The following SPHKAP variants were observed in gnomAD, a reference collection of about 807,000 sequenced individuals.
The protein encoded by SPHKAP is SPHK1 interactor, AKAP domain containing.
A neutral mutation model predicts 137.5 loss-of-function variants in SPHKAP; 67 were observed. That is an observed-to-expected ratio of 0.49 (90% CI 0.40 to 0.60). SPHKAP has a LOEUF of 0.60. Among genes scored for constraint, SPHKAP ranks in the 20% least tolerant of loss-of-function variants. The pLI, the probability that SPHKAP is intolerant of heterozygous loss-of-function variation, is 0.00. For missense variants in SPHKAP, 2,097 were observed against 2,069.3 expected (o/e 1.01, Z -0.26); for synonymous variants, 813 against 785.3 (o/e 1.04, Z -0.59).
At chr2:228,141,972 C>A (rs1232666891) in intron 1 of SPHKAP, among the ~76,000 whole-genome samples, 1 of 152,128 alleles carries the variant, frequency 6.6e-6, no homozygotes, top group Non-Finnish European at 1.5e-5. Flanking sequence ...GCAAATCCTT[C>A]CCTCTAGGGA....
intron 3 of SPHKAP, among the ~76,000 whole-genome samples, chr2:228,076,284 C>A (rs1363745411): frequency 6.6e-6 from 1 of 152,120 alleles, no homozygotes; most frequent in Admixed American, 6.5e-5. Context: ...AAATTGTTAC[C>A]AGTAGAGCGA....
rs963208885 is a variant in SPHKAP at position 228,016,691 on chromosome 2, C to T, written c.4163G>A (p.Ser1388Asn). Residue 1388 changes from serine (S) to asparagine (N), a missense_variant, in exon 7 of 12, where the codon AGC (serine) becomes AAC (asparagine). By Grantham distance (46) the Ser-to-Asn change is conservative. Coordinates refer to ENST00000392056, the MANE Select transcript of SPHKAP (RefSeq NM_001142644.2). The stretch of plus-strand genomic sequence containing the variant: ...GTGGTTTGTAAGAGAAGCAGTTTTG[C>T]TCAAAGATGACACTGGGGGCTGTTT... ...ECKQPPVSSL[S>N]KTASLTNHSP... is the part of the protein sequence containing the mutation. The T allele has an allele frequency of 2.3e-5, 37 of 1,614,006 alleles. 1 individual carries two copies. The highest frequency in any genetic ancestry group is 6.7e-5 in the African/African-American group (5 of 74,894).
intron 1 of SPHKAP, among the ~76,000 whole-genome samples, chr2:228,148,473 G>A (rs1433190361): frequency 6.6e-6 from 1 of 152,160 alleles, no homozygotes; most frequent in Non-Finnish European, 1.5e-5. Context: ...TAAAGAAGAG[G>A]GAAGGTGTGC....
At chr2:228,172,639 C>T (rs546447407) in intron 1 of SPHKAP, among the ~76,000 whole-genome samples, 1 of 152,288 alleles carries the variant, frequency 6.6e-6, no homozygotes, top group Admixed American at 6.5e-5. Flanking sequence ...GGTTATACTA[C>T]AATATCACAC....
intron 11 of SPHKAP, among the ~76,000 whole-genome samples, chr2:227,983,824 C>T (rs866726443): frequency 5.9e-5 from 9 of 152,278 alleles, no homozygotes; most frequent in South Asian, 4.1e-4. Context: ...AAAGGCTGAA[C>T]AGAGCCTGGA....
intron 1 of SPHKAP, among the ~76,000 whole-genome samples, chr2:228,157,774 G>A (rs1163056847): frequency 6.6e-6 from 1 of 152,066 alleles, no homozygotes; most frequent in Non-Finnish European, 1.5e-5. Flanking sequence ...TCATTGGAGA[G>A]TTTTAGAAGT....
chr2:228,156,488 A>G (rs1334896995), intron 1 of SPHKAP, among the ~76,000 whole-genome samples: 1 of 152,200 alleles, frequency 6.6e-6, no homozygotes, highest in Non-Finnish European at 1.5e-5. Context: ...CTTTCTAATG[A>G]TTTGTTAACA....
chr2:228,035,011 G>A (rs1280022264), intron 3 of SPHKAP, among the ~76,000 whole-genome samples: 1 of 150,418 alleles, frequency 6.6e-6, no homozygotes, highest in Non-Finnish European at 1.5e-5. Context: ...ATTCAACATA[G>A]TGTTGGAAGT....
At chr2:228,112,396 C>T (rs2106352037) in intron 2 of SPHKAP, among the ~76,000 whole-genome samples, 1 of 152,012 alleles carries the variant, frequency 6.6e-6, no homozygotes, top group East Asian at 1.9e-4. Context: ...TATCCTGCAC[C>T]TTGTCTACAT....
At chr2:227,995,730 G>GCA (rs34458152) in intron 7 of SPHKAP, 36 bp from the exon 8 acceptor site, 47,540 of 1,439,240 alleles carry the variant, frequency 0.033, 459 homozygotes, top group Non-Finnish European at 0.037. Context: ...AAGAGAGGCA[G>GCA]CACACACACA....
intron 3 of SPHKAP, among the ~76,000 whole-genome samples, chr2:228,032,680 T>G (rs543854875): frequency 3.9e-5 from 6 of 152,328 alleles, no homozygotes; most frequent in African/African-American, 9.6e-5. Flanking sequence ...GCTGATCTCT[T>G]GGCAGAAACT....
At chr2:228,157,498 A>G in intron 1 of SPHKAP, among the ~76,000 whole-genome samples, 1 of 152,250 alleles carries the variant, frequency 6.6e-6, no homozygotes, top group Middle Eastern at 3.2e-3. Context: ...CTCAAAAAAG[A>G]AAAAGGCAGG....
intron 1 of SPHKAP, among the ~76,000 whole-genome samples, chr2:228,144,596 T>C (rs1445190966): frequency 6.6e-6 from 1 of 152,036 alleles, no homozygotes; most frequent in Non-Finnish European, 1.5e-5. Flanking sequence ...CTAGACAAAG[T>C]TCTTTATTTT....
chr2:228,104,057 T>C (rs1049378545), intron 3 of SPHKAP, among the ~76,000 whole-genome samples: 1 of 151,920 alleles, frequency 6.6e-6, no homozygotes, highest in Non-Finnish European at 1.5e-5. Flanking sequence ...CATTGCAATT[T>C]TTCAGTAAGT....
rs1424264319 is a variant in SPHKAP at position 228,181,514 on chromosome 2, C to A, written c.32+53G>T. ...GCAAGTTGGTGAGCGACTCACAACG[C>A]GGAACGGAGTTTGATCGACATGGTA... On this transcript the variant is annotated intron_variant, in intron 1 of 11. Transcript: ENST00000392056. This position sits in a 1 kb window ranked among gnomAD's most constrained non-coding sequence, Gnocchi z 4.3. 1 of 1,613,682 alleles carries A rather than the reference C, an allele frequency of 6.2e-7. No individual in the cohort carries two copies. The highest frequency in any genetic ancestry group is 8.5e-7 in the Non-Finnish European group (1 of 1,179,772).
intron 3 of SPHKAP, among the ~76,000 whole-genome samples, chr2:228,100,183 T>C (rs1351906280): frequency 6.6e-6 from 1 of 152,222 alleles, no homozygotes; most frequent in Non-Finnish European, 1.5e-5. Flanking sequence ...ACATTGATTT[T>C]GTATCCCGAA....
intron 2 of SPHKAP, among the ~76,000 whole-genome samples, chr2:228,121,273 G>A (rs547618983): frequency 1.8e-3 from 280 of 152,304 alleles, no homozygotes; most frequent in Non-Finnish European, 1.8e-3. Context: ...ACTTTGAGAG[G>A]CCGAGGCAGG....
chr2:228,046,194 G>C (rs1696044048), intron 3 of SPHKAP, among the ~76,000 whole-genome samples: 1 of 150,664 alleles, frequency 6.6e-6, no homozygotes, highest in Non-Finnish European at 1.5e-5. Context: ...CTGAATATAT[G>C]CAATTTTTGT....
intron 3 of SPHKAP, among the ~76,000 whole-genome samples, chr2:228,052,145 T>C (rs1696277792): frequency 1.3e-5 from 2 of 150,868 alleles, no homozygotes; most frequent in South Asian, 4.2e-4. Flanking sequence ...TTAATTGAAG[T>C]ATTGGAAGAT....
Sources: gnomAD v4.1 joint callset for allele counts (sites outside exome capture counted in the v4.1 genomes callset) on GRCh38, gnomAD v4.1.1 for gene constraint, Gnocchi (gnomAD v3.1) non-coding constraint, MANE v1.5 for transcripts, NCBI Gene and HGNC (gene_info 2026-07-23, HGNC 2026-07-21) for gene names.